The following WASHC2C variants were observed in gnomAD, a reference collection of about 807,000 sequenced individuals.
The protein encoded by WASHC2C is Vaccinia Penetration Factor.
In WASHC2C, 73 loss-of-function variants were observed where a neutral mutation model predicts 142.2. The observed-to-expected ratio is 0.51, with a 90% confidence interval of 0.43 to 0.62. The LOEUF (loss-of-function observed/expected upper bound fraction) is 0.62. Ranked by LOEUF, WASHC2C falls within the 20% of genes least tolerant of loss-of-function variation. The pLI is 0.00. For synonymous variants in WASHC2C, 337 were observed against 565.5 expected, an observed-to-expected ratio of 0.60 and a Z score of 5.73; for missense variants, 969 against 1,531.7, an observed-to-expected ratio of 0.63 and a Z score of 6.13.
At chr10:45,727,182 C>G (rs2049940990), upstream of WASHC2C, 3 of 1,456,852 alleles carry the variant, frequency 2.1e-6, no homozygotes, top group Non-Finnish European at 1.8e-6. Context: ...GGATCACGTG[C>G]GGGTTCTGTC....
intron 8 of WASHC2C, 104 bp downstream of exon 8, chr10:45,746,751 T>C: frequency 6.8e-7 from 1 of 1,478,758 alleles, no homozygotes. Context: ...TGAGGATTTT[T>C]TCATGTATAC....
intron 17 of WASHC2C, among the ~76,000 whole-genome samples, chr10:45,761,840 G>A: frequency 6.6e-6 from 1 of 152,144 alleles, no homozygotes; most frequent in Non-Finnish European, 1.5e-5. Context: ...TTGCCATTGT[G>A]TAACATGCAG....
intron 3 of WASHC2C, among the ~76,000 whole-genome samples, chr10:45,733,395 C>T (rs1214196447): frequency 1.5e-3 from 228 of 152,096 alleles, no homozygotes; most frequent in Middle Eastern, 6.8e-3. Flanking sequence ...TGTTACTCTC[C>T]AGCCCTGGTC....
At chr10:45,766,302 T>C (rs531038869) in intron 19 of WASHC2C, among the ~76,000 whole-genome samples, 1 of 152,258 alleles carries the variant, frequency 6.6e-6, no homozygotes, top group Admixed American at 6.5e-5. Flanking sequence ...TGTGACCTGA[T>C]GGGAATAAGC....
At chr10:45,790,647 C>G in intron 30 of WASHC2C, 114 bp downstream of exon 30, 1 of 1,193,602 alleles carries the variant, frequency 8.4e-7, no homozygotes, top group East Asian at 2.4e-5. Flanking sequence ...AGCGGGTTCA[C>G]TTCAGTGTAA....
chr10:45,744,836 G>A lies in WASHC2C; in HGVS notation c.638G>A (p.Ser213Asn), dbSNP rs2052611018. The stretch of plus-strand genomic sequence containing the variant: ...TTCTCAACAGAAGGCTCTGTAGGCA[G>A]TGATCGTGGCAGTATTGTGGACACT... Reference protein sequence around the residue: ...ELSSEEGSVGSDRGSIVDTEE... With the variant: ...ELSSEEGSVGNDRGSIVDTEE... Residue 213 changes from serine (S) to asparagine (N), a missense_variant, in exon 7 of 31, where the codon AGT (serine) becomes AAT (asparagine). Physicochemically the swap from Ser to Asn is conservative, Grantham distance 46 (BLOSUM62 1). Coordinates refer to ENST00000623400, the MANE Select transcript of WASHC2C (RefSeq NM_001330074.2). The A allele has an allele frequency of 1.7e-6, 1 of 599,188 alleles. No individual in the cohort carries two copies. Among genetic ancestry groups the A allele is most frequent in the Non-Finnish European group, 2.9e-6 (1 of 348,122 alleles). 37.1% of individuals were successfully genotyped at this position (599,188 alleles called of 1,614,324 possible). A position where few individuals can be genotyped will look rare whatever the true frequency, so the allele number is the denominator to read the frequency against.
intron 13 of WASHC2C, among the ~76,000 whole-genome samples, chr10:45,753,517 G>A (rs2926325): frequency 1.6e-4 from 22 of 135,928 alleles, no homozygotes; most frequent in Middle Eastern, 6.9e-3. Context: ...GTTGAGGATG[G>A]TTTTCATTGA....
At chr10:45,729,941 G>A (rs2050335737) in intron 3 of WASHC2C, among the ~76,000 whole-genome samples, 1 of 152,142 alleles carries the variant, frequency 6.6e-6, no homozygotes, top group South Asian at 2.1e-4. Flanking sequence ...GCCACTTCCT[G>A]TCTTTTTTTG....
chr10:45,745,179 T>C (rs1403579371), intron 7 of WASHC2C, among the ~76,000 whole-genome samples: 4 of 151,906 alleles, frequency 2.6e-5, no homozygotes, highest in Middle Eastern at 3.2e-3. Context: ...TTAGATGTTT[T>C]GGTGGAATCT....
At chr10:45,776,415 ATCCCTGCC>A (rs1352804428) in intron 21 of WASHC2C, among the ~76,000 whole-genome samples, 2 of 149,964 alleles carry the variant, frequency 1.3e-5, no homozygotes, top group South Asian at 2.1e-4. Flanking sequence ...TAGTCCCCAA[ATCCCTGCC>A]TCCCTGATAA....
chr10:45,730,740 C>T (rs1447009722), intron 3 of WASHC2C, among the ~76,000 whole-genome samples: 2 of 151,930 alleles, frequency 1.3e-5, no homozygotes, highest in East Asian at 3.9e-4. Flanking sequence ...CTGCCTCAAC[C>T]TTCCAAGTAG....
At chr10:45,779,577 C>T (rs2057341714) in intron 23 of WASHC2C, among the ~76,000 whole-genome samples, 1 of 152,320 alleles carries the variant, frequency 6.6e-6, no homozygotes, top group Middle Eastern at 3.4e-3. Flanking sequence ...GCTTTTGCAG[C>T]CTATTTGGGC....
At chr10:45,743,923 A>G (rs1554869772) in intron 6 of WASHC2C, among the ~76,000 whole-genome samples, 1 of 149,506 alleles carries the variant, frequency 6.7e-6, no homozygotes, top group Non-Finnish European at 1.5e-5. Context: ...CAATTTTTGT[A>G]TTTTTAGTAG....
intron 17 of WASHC2C, among the ~76,000 whole-genome samples, chr10:45,761,635 C>G (rs1224302254): frequency 1.3e-5 from 2 of 152,188 alleles, no homozygotes; most frequent in Admixed American, 1.3e-4. Flanking sequence ...ACTCCTTTCT[C>G]TATATCTGAA....
chr10:45,730,318 G>C (rs2050400397), intron 3 of WASHC2C, among the ~76,000 whole-genome samples: 1 of 144,740 alleles, frequency 6.9e-6, no homozygotes, highest in Admixed American at 6.9e-5. Flanking sequence ...TTGTACTCCA[G>C]CCTGGGCAAT....
intron 17 of WASHC2C, among the ~76,000 whole-genome samples, chr10:45,761,148 G>T (rs1169274852): frequency 6.6e-6 from 1 of 151,494 alleles, no homozygotes. Flanking sequence ...GTCTGAAGGT[G>T]GCTGGGCTGA....
intron 3 of WASHC2C, among the ~76,000 whole-genome samples, chr10:45,730,329 A>C (rs1436930425): frequency 6.8e-6 from 1 of 147,398 alleles, no homozygotes; most frequent in Non-Finnish European, 1.5e-5. Context: ...CCTGGGCAAT[A>C]AGAGCGAAAC....
Position 45,731,381 on chromosome 10 carries a change from T to G in WASHC2C, c.291+2355T>G, listed in dbSNP as rs572745202. ...GATTACAGGCTCCCGCCACCAGGCCTGGCTAATTTTTTTTCTATTTTTAGT... is the reference window on the plus strand; with the variant it reads ...GATTACAGGCTCCCGCCACCAGGCCGGGCTAATTTTTTTTCTATTTTTAGT... On this transcript the variant is annotated intron_variant, in intron 3 of 30. Transcript: ENST00000623400. 3.3e-3 allele frequency among the ~76,000 whole-genome samples: 442 copies of G among 132,658 alleles called. 1 individual carries two copies. Among genetic ancestry groups the G allele is most frequent in the Non-Finnish European group, 5.2e-3 (329 of 63,124 alleles). 87.0% of individuals were successfully genotyped at this position (132,658 alleles called of 152,430 possible).
chr10:45,749,836 A>AAAT (rs1227809519), intron 8 of WASHC2C, among the ~76,000 whole-genome samples: 1 of 101,780 alleles, frequency 9.8e-6, no homozygotes, highest in East Asian at 3.4e-4. Flanking sequence ...AAAAAAAAAA[A>AAAT]ATATATATAT....
Sources: allele counts gnomAD v4.1 joint callset (sites outside exome capture counted in the v4.1 genomes callset), GRCh38; gene constraint gnomAD v4.1.1; transcripts MANE v1.5; gene names NCBI Gene and HGNC (gene_info 2026-07-23, HGNC 2026-07-21).